The following CPQ variants were observed in gnomAD, a reference collection of about 807,000 sequenced individuals.
The protein encoded by CPQ is Ser-Met dipeptidase.
Under a neutral mutation model 45.7 loss-of-function variants are expected in CPQ, and 37 were observed. The ratio of observed to expected loss-of-function variants is 0.81; its 90% CI spans 0.62 to 1.07. The LOEUF is 1.07. CPQ is among the 50% of genes least tolerant of loss of function. The pLI is 0.00. For synonymous variants in CPQ, 186 were observed against 205.8 expected (o/e 0.90, Z 0.82); for missense variants, 537 against 572.9 (o/e 0.94, Z 0.64).
chr8:96,781,544 A>C (rs1216521214), intron 1 of CPQ, among the ~76,000 whole-genome samples: 1 of 152,204 alleles, frequency 6.6e-6, no homozygotes, highest in Non-Finnish European at 1.5e-5. Context: ...GACCATTACA[A>C]AGGCAATTAA....
chr8:97,116,509 C>G (rs1194536765), intron 7 of CPQ, among the ~76,000 whole-genome samples: 5 of 151,914 alleles, frequency 3.3e-5, no homozygotes, highest in Admixed American at 6.6e-5. Flanking sequence ...GTCTGAAAAC[C>G]CTTAACATGG....
chr8:97,061,648 TGTAA>T (rs2130521637), intron 6 of CPQ, among the ~76,000 whole-genome samples: 1 of 152,256 alleles, frequency 6.6e-6, no homozygotes, highest in Admixed American at 6.5e-5. Context: ...TGGGATGAGC[TGTAA>T]GACGTTACAC....
At chr8:96,849,080 A>G (rs1414847551) in intron 3 of CPQ, among the ~76,000 whole-genome samples, 1 of 152,226 alleles carries the variant, frequency 6.6e-6, no homozygotes, top group African/African-American at 2.4e-5. Flanking sequence ...CATGTAATCC[A>G]ATATGTTAAC....
At chr8:96,759,231 T>C (rs1370518105) in intron 1 of CPQ, among the ~76,000 whole-genome samples, 1 of 152,166 alleles carries the variant, frequency 6.6e-6, no homozygotes, top group Non-Finnish European at 1.5e-5. Flanking sequence ...CTACCTTTCA[T>C]CTGCTTTCAG....
At chr8:96,889,348 A>C (rs1309092255) in intron 4 of CPQ, among the ~76,000 whole-genome samples, 3 of 152,198 alleles carry the variant, frequency 2.0e-5, no homozygotes, top group Non-Finnish European at 4.4e-5. Context: ...TTTGGAAATA[A>C]AGTTGGCAGG....
intron 1 of CPQ, among the ~76,000 whole-genome samples, chr8:96,651,833 T>G (rs1175015034): frequency 6.6e-6 from 1 of 152,182 alleles, no homozygotes; most frequent in African/African-American, 2.4e-5. Flanking sequence ...TTTATTTTAC[T>G]GTAAATTGGC....
At chr8:96,773,563 G>A (rs1381705703) in intron 1 of CPQ, among the ~76,000 whole-genome samples, 1 of 152,152 alleles carries the variant, frequency 6.6e-6, no homozygotes, top group African/African-American at 2.4e-5. Flanking sequence ...CTGTTAAACA[G>A]CCTGGTGGGG....
intron 1 of CPQ, among the ~76,000 whole-genome samples, chr8:96,648,196 C>T (rs985564147): frequency 2.3e-4 from 35 of 151,958 alleles, no homozygotes; most frequent in African/African-American, 7.8e-4. Context: ...CAGTTGTGGC[C>T]GCCTGAAAAA....
intron 5 of CPQ, among the ~76,000 whole-genome samples, chr8:96,972,658 C>T (rs1480390342): frequency 1.3e-5 from 2 of 152,338 alleles, no homozygotes; most frequent in East Asian, 3.9e-4. Flanking sequence ...TCCATCAGAG[C>T]AGGTGCTGGC....
intron 3 of CPQ, among the ~76,000 whole-genome samples, chr8:96,847,836 CTTTT>C (rs76194040): frequency 1.2e-5 from 1 of 84,528 alleles, no homozygotes; most frequent in African/African-American, 4.4e-5. Context: ...ATTTGTTTTC[CTTTT>C]TTTTTTTTTT....
At chr8:97,104,918 C>A (rs1811378022) in intron 7 of CPQ, among the ~76,000 whole-genome samples, 1 of 152,194 alleles carries the variant, frequency 6.6e-6, no homozygotes. Flanking sequence ...GTAAGGAATA[C>A]TTTTAATTTC....
chr8:96,835,954 AT>A (rs1279800466), intron 3 of CPQ, among the ~76,000 whole-genome samples: 3 of 152,172 alleles, frequency 2.0e-5, no homozygotes, highest in African/African-American at 7.2e-5. Flanking sequence ...GAAATTCAGT[AT>A]TACAGTGGAT....
intron 1 of CPQ, among the ~76,000 whole-genome samples, chr8:96,738,707 A>G (rs1437432278): frequency 6.6e-6 from 1 of 151,982 alleles, no homozygotes; most frequent in Non-Finnish European, 1.5e-5. Context: ...GAGAATATGC[A>G]GTGTTTGGTT....
chr8:96,656,289 G>GT (rs1815636590), intron 1 of CPQ, among the ~76,000 whole-genome samples: 1 of 152,164 alleles, frequency 6.6e-6, no homozygotes, highest in Non-Finnish European at 1.5e-5. Flanking sequence ...AGTTGGCTGG[G>GT]TGCTGCCTTT....
At chr8:97,087,977 C>CT (rs956746640) in intron 7 of CPQ, among the ~76,000 whole-genome samples, 3 of 151,904 alleles carry the variant, frequency 2.0e-5, no homozygotes, top group Admixed American at 2.0e-4. Context: ...ATTGGAAATG[C>CT]TTTTTTTATC....
intron 4 of CPQ, among the ~76,000 whole-genome samples, chr8:96,928,540 T>C (rs1812923298): frequency 6.6e-6 from 1 of 152,040 alleles, no homozygotes; most frequent in Admixed American, 6.6e-5. Context: ...CTTGTCTCTT[T>C]GCCTCTTAAT....
At chr8:96,966,374 C>G (rs1305452263) in intron 5 of CPQ, among the ~76,000 whole-genome samples, 1 of 152,224 alleles carries the variant, frequency 6.6e-6, no homozygotes, top group Non-Finnish European at 1.5e-5. Context: ...CCTCCTACTT[C>G]CTTTCCCTTA....
chr8:96,900,669 C>G (rs1370664765), intron 4 of CPQ, among the ~76,000 whole-genome samples: 1 of 152,038 alleles, frequency 6.6e-6, no homozygotes, highest in Admixed American at 6.6e-5. Flanking sequence ...GCATAAGTGA[C>G]AATTTTATAC....
intron 4 of CPQ, among the ~76,000 whole-genome samples, chr8:96,949,452 C>A (rs190455493): frequency 1.7e-4 from 26 of 151,938 alleles, no homozygotes; most frequent in Admixed American, 1.2e-3. Context: ...TTTATCTGGT[C>A]TGAAAGACTT....
Sources: allele counts gnomAD v4.1 joint callset (sites outside exome capture counted in the v4.1 genomes callset), GRCh38; gene constraint gnomAD v4.1.1; transcripts MANE v1.5; gene names NCBI Gene and HGNC (gene_info 2026-07-23, HGNC 2026-07-21).